The following PTPRT variants were observed in gnomAD, a reference collection of about 807,000 sequenced individuals.
PTPRT encodes receptor-type tyrosine-protein phosphatase T.
A neutral mutation model predicts 176.8 loss-of-function variants in PTPRT; 56 were observed. The observed-to-expected ratio is 0.32, with a 90% CI of 0.26 to 0.40. PTPRT has a LOEUF of 0.40. Among genes scored for constraint, PTPRT ranks in the 10% least tolerant of loss-of-function variants. The pLI is 1.00. For synonymous variants in PTPRT, 783 were observed against 739.0 expected (o/e 1.06, Z -0.96); for missense variants, 1,540 against 1,908.2 (o/e 0.81, Z 3.60).
At chr20:42,755,588 A>G (rs888250747) in intron 6 of PTPRT, among the ~76,000 whole-genome samples, 4 of 146,244 alleles carry the variant, frequency 2.7e-5, no homozygotes, top group Admixed American at 2.0e-4. Context: ...TTTTTTTTGC[A>G]AAAGCAATAT....
intron 24 of PTPRT, among the ~76,000 whole-genome samples, chr20:42,105,373 C>T (rs1986343715): frequency 6.6e-6 from 1 of 152,196 alleles, no homozygotes; most frequent in Non-Finnish European, 1.5e-5. Flanking sequence ...ACGATCTGCT[C>T]CCAAAACGTG....
intron 7 of PTPRT, among the ~76,000 whole-genome samples, chr20:42,505,658 T>C (rs964434300): frequency 1.3e-5 from 2 of 152,162 alleles, no homozygotes; most frequent in Non-Finnish European, 2.9e-5. Flanking sequence ...CAATTATTTG[T>C]TGAAATGACA....
intron 7 of PTPRT, among the ~76,000 whole-genome samples, chr20:42,521,415 G>A (rs2072174189): frequency 6.6e-6 from 1 of 152,146 alleles, no homozygotes; most frequent in Non-Finnish European, 1.5e-5. Flanking sequence ...CAGAATGACA[G>A]AAGTAATTTC....
intron 6 of PTPRT, among the ~76,000 whole-genome samples, chr20:42,752,571 G>A (rs2076782768): frequency 6.6e-6 from 1 of 152,212 alleles, no homozygotes; most frequent in Non-Finnish European, 1.5e-5. Context: ...AGGGTTGTGG[G>A]TGACGTCAGT....
At chr20:42,838,792 T>C (rs1178960691) in intron 2 of PTPRT, among the ~76,000 whole-genome samples, 2 of 152,218 alleles carry the variant, frequency 1.3e-5, no homozygotes, top group Non-Finnish European at 2.9e-5. Context: ...TCCCATTTTT[T>C]CACCAATGTC....
intron 1 of PTPRT, among the ~76,000 whole-genome samples, chr20:42,912,947 A>T (rs1186992407): frequency 1.3e-5 from 2 of 152,170 alleles, no homozygotes; most frequent in East Asian, 3.9e-4. Flanking sequence ...AGTGCTAGAG[A>T]CTAGCTCAGG....
intron 9 of PTPRT, among the ~76,000 whole-genome samples, chr20:42,427,431 C>T (rs11086835): frequency 0.12 from 17,714 of 152,168 alleles, 1,016 homozygotes; most frequent in Middle Eastern, 0.14. Flanking sequence ...ATTTATTGCT[C>T]ACAATTGAGG....
chr20:42,521,416 A>G (rs2072174277), intron 7 of PTPRT, among the ~76,000 whole-genome samples: 1 of 152,200 alleles, frequency 6.6e-6, no homozygotes, highest in African/African-American at 2.4e-5. Context: ...AGAATGACAG[A>G]AGTAATTTCA....
At chr20:42,482,456 A>G (rs1268414260) in intron 7 of PTPRT, among the ~76,000 whole-genome samples, 2 of 152,210 alleles carry the variant, frequency 1.3e-5, no homozygotes, top group African/African-American at 4.8e-5. Flanking sequence ...AAAGCACTGG[A>G]CAGAGTCATT....
chr20:43,048,175 AG>A (rs1165458509), intron 1 of PTPRT, among the ~76,000 whole-genome samples: 1 of 152,110 alleles, frequency 6.6e-6, no homozygotes, highest in African/African-American at 2.4e-5. Context: ...GGCTGGGCAG[AG>A]GGGGTGGGGT....
Position 42,584,280 on chromosome 20 carries a change from C to T in PTPRT, c.1153+93586G>A, listed in dbSNP as rs554193045. On this transcript the variant is annotated intron_variant, in intron 7 of 30. Coordinates refer to ENST00000373187, the MANE Select transcript of PTPRT (RefSeq NM_007050.6). ...CCTCACAATGGCCCATAAATCTCTA[C>T]GTGATCTCCCACTATTCTCTTTGAT... Among the ~76,000 whole-genome samples, 9 of 152,272 alleles carry T rather than the reference C, an allele frequency of 5.9e-5. No individual in the cohort carries two copies. In the South Asian group the frequency reaches 1.7e-3, roughly 28 times the overall value.
chr20:42,497,537 A>G (rs754036320), intron 7 of PTPRT, among the ~76,000 whole-genome samples: 4 of 151,836 alleles, frequency 2.6e-5, no homozygotes, highest in Non-Finnish European at 5.9e-5. Context: ...CCTGCCTCAG[A>G]CTTCCAAGTA....
intron 1 of PTPRT, among the ~76,000 whole-genome samples, chr20:42,951,171 G>C (rs1981216862): frequency 1.4e-5 from 2 of 138,106 alleles, no homozygotes; most frequent in South Asian, 4.4e-4. Context: ...ATATATGATA[G>C]ATGGATGGGT....
At chr20:42,926,180 C>T (rs1215805737) in intron 1 of PTPRT, among the ~76,000 whole-genome samples, 1 of 152,200 alleles carries the variant, frequency 6.6e-6, no homozygotes, top group African/African-American at 2.4e-5. Context: ...GCAGGCTCTG[C>T]ACCTGCCTGA....
At chr20:42,547,706 G>A (rs542599574) in intron 7 of PTPRT, among the ~76,000 whole-genome samples, 2 of 151,946 alleles carry the variant, frequency 1.3e-5, no homozygotes, top group South Asian at 4.1e-4. Flanking sequence ...AAAACACAAA[G>A]GTCCCTATAT....
intron 2 of PTPRT, among the ~76,000 whole-genome samples, chr20:42,831,786 C>A (rs1382986412): frequency 1.3e-5 from 2 of 152,184 alleles, no homozygotes; most frequent in Non-Finnish European, 2.9e-5. Flanking sequence ...CTCATTATCA[C>A]TGATCATTAG....
chr20:43,037,587 A>G (rs1292003238), intron 1 of PTPRT, among the ~76,000 whole-genome samples: 1 of 152,252 alleles, frequency 6.6e-6, no homozygotes, highest in Non-Finnish European at 1.5e-5. Context: ...TGTTAAAGCT[A>G]AAATTGAATA....
intron 1 of PTPRT, among the ~76,000 whole-genome samples, chr20:43,110,965 G>A (rs1355637712): frequency 6.6e-6 from 1 of 152,154 alleles, no homozygotes; most frequent in Non-Finnish European, 1.5e-5. Flanking sequence ...ATGTGGGTGG[G>A]GGGAGAGAAA....
intron 2 of PTPRT, among the ~76,000 whole-genome samples, chr20:42,838,945 T>C (rs566545765): frequency 1.3e-5 from 2 of 152,198 alleles, no homozygotes; most frequent in Admixed American, 1.3e-4. Flanking sequence ...CTCCTACACC[T>C]TTGGTCCCCA....
Sources: allele counts gnomAD v4.1 joint callset (sites outside exome capture counted in the v4.1 genomes callset), GRCh38; gene constraint gnomAD v4.1.1; transcripts MANE v1.5; gene names NCBI Gene and HGNC (gene_info 2026-07-23, HGNC 2026-07-21).